The following TPRA1 variants were observed in gnomAD, a reference collection of about 807,000 sequenced individuals.
TPRA1 encodes transmembrane protein adipocyte associated 1.
In TPRA1, 28 loss-of-function variants were observed where a neutral mutation model predicts 40.1. The observed-to-expected ratio is 0.70, with a 90% CI of 0.52 to 0.96. TPRA1 has a LOEUF of 0.96. Ranked by LOEUF, TPRA1 falls within the 40% of genes least tolerant of loss-of-function variation. The pLI is 0.00. For missense variants in TPRA1, 441 were observed against 482.6 expected (o/e 0.91, Z 0.81); for synonymous variants, 219 against 209.7 (o/e 1.04, Z -0.38).
At chr3:127,592,389 T>G (rs532497692), upstream of TPRA1, among the ~76,000 whole-genome samples, 155 of 142,994 alleles carry the variant, frequency 1.1e-3, 2 homozygotes, top group African/African-American at 3.9e-3. Flanking sequence ...TTTTTTTTTT[T>G]TTTTTTTGAG....
chr3:127,580,109 C>G lies in TPRA1; in HGVS notation c.38G>C (p.Ser13Thr). The G allele has an allele frequency of 2.5e-6, 4 of 1,613,650 alleles. No homozygotes were observed. Among genetic ancestry groups the G allele is most frequent in the Non-Finnish European group, 3.4e-6 (4 of 1,179,984 alleles). The change falls in exon 2 of 11, where the codon AGC becomes ACC. Residue 13 changes from serine to threonine, a missense_variant. Ser to Thr is a moderately conservative substitution (Grantham distance 58, BLOSUM62 1). Transcript: ENST00000355552. ...TLEEVTWANG[S>T]TALPPPLAPN... is the part of the protein sequence containing the mutation. ...TGCCAGGGGTGGGGGTAGCGCTGTG[C>G]TCCCATTGGCCCAAGTCACCTCCTC... is the stretch of plus-strand genomic sequence containing the variant.
chr3:127,591,833 CAG>C (rs2074175502), upstream of TPRA1: 1 of 152,242 alleles, frequency 6.6e-6, no homozygotes, highest in Non-Finnish European at 1.5e-5. Flanking sequence ...GAGGCTGACT[CAG>C]AGCCTCGTGC....
upstream of TPRA1, among the ~76,000 whole-genome samples, chr3:127,592,418 G>A (rs1378271825): frequency 1.6e-5 from 2 of 121,744 alleles, no homozygotes; most frequent in African/African-American, 3.2e-5. Context: ...TCGCTCTGTC[G>A]CCCAGGTCGG....
intron 1 of TPRA1, among the ~76,000 whole-genome samples, chr3:127,596,601 C>T (rs2074244310): frequency 6.6e-6 from 1 of 152,178 alleles, no homozygotes; most frequent in Non-Finnish European, 1.5e-5. Context: ...CAGCTTCAGT[C>T]CAAACACGCC....
rs1280313403 is a variant in TPRA1, at chr3:127,572,893, C to T, written c.*628G>A. On this transcript the variant is annotated 3_prime_UTR_variant, in exon 11 of 11. Coordinates refer to ENST00000355552, the MANE Select transcript of TPRA1 (RefSeq NM_001136053.4). ...CAGATGGGCCCAGGGGCAGGGGCAGCGGCAGCTGGGATCCTGTTTCTCTTC... is the reference window on the plus strand; with the variant it reads ...CAGATGGGCCCAGGGGCAGGGGCAGTGGCAGCTGGGATCCTGTTTCTCTTC... Among the ~76,000 whole-genome samples the T allele has an allele frequency of 5.9e-5, 9 of 152,144 alleles. No individual in the cohort carries two copies. Among genetic ancestry groups the T allele is most frequent in the Admixed American group, 2.6e-4 (4 of 15,278 alleles).
intron 1 of TPRA1, among the ~76,000 whole-genome samples, chr3:127,582,579 GTAATGCCAGCTACTTGGA>G (rs2073865842): frequency 6.6e-6 from 1 of 151,870 alleles, no homozygotes; most frequent in Non-Finnish European, 1.5e-5. Context: ...GCGTCCAGCT[GTAATGCCAGCTACTTGGA>G]AGGCTGAGGC....
rs1003568917 is a variant in TPRA1, at chr3:127,571,713, G to A, written c.*1808C>T. 2.0e-5 allele frequency: 3 copies of A among 152,184 alleles called. No individual in the cohort carries two copies. Among genetic ancestry groups the A allele is most frequent in the African/African-American group, 7.2e-5 (3 of 41,432 alleles). 9.4% of individuals were successfully genotyped at this position (152,184 alleles called of 1,614,324 possible). ...TATGGAGACCCTGGGTGCTTCAGGA[G>A]GGGGACAGAGGAATTCAGTGCCACA... On this transcript the variant is annotated 3_prime_UTR_variant, in exon 11 of 11. Coordinates refer to ENST00000355552, the MANE Select transcript of TPRA1 (RefSeq NM_001136053.4).
At chr3:127,585,631 CAG>C (rs1309778554) in intron 1 of TPRA1, among the ~76,000 whole-genome samples, 1 of 152,214 alleles carries the variant, frequency 6.6e-6, no homozygotes, top group Non-Finnish European at 1.5e-5. Context: ...AGATCAAACA[CAG>C]GGAATGAGAG....
chr3:127,591,117 C>T (rs2074159645), upstream of TPRA1: 1 of 152,162 alleles, frequency 6.6e-6, no homozygotes. Flanking sequence ...GCGGAGCCTC[C>T]GGGGACCGCC....
chr3:127,591,522 T>C (rs1196021502), upstream of TPRA1, among the ~76,000 whole-genome samples: 2 of 152,146 alleles, frequency 1.3e-5, no homozygotes, highest in African/African-American at 4.8e-5. Context: ...TTCACCATAC[T>C]CAAGCCATGC....
In TPRA1 at chr3:127,576,470, G is replaced by A. The variant is rs774607574; in HGVS notation, c.498+147C>T. 98 of 799,484 alleles carry A rather than the reference G, an allele frequency of 1.2e-4. No individual in the cohort carries two copies. Among genetic ancestry groups the A allele is most frequent in the African/African-American group, 3.1e-4 (18 of 57,494 alleles). The allele number at this position is 799,484 out of a possible 1,614,324, so 49.5% of individuals were successfully genotyped here. ...TCCAGGGGACCCCAGAATGTGCCTC[G>A]GTAACAAGCACCCCATGTGATTTCT... On this transcript the variant is annotated intron_variant, in intron 6 of 10. Coordinates refer to ENST00000355552, the MANE Select transcript of TPRA1 (RefSeq NM_001136053.4). The surrounding 1 kb of genome is among the most constrained non-coding windows in gnomAD (Gnocchi z 4.6).
chr3:127,573,808 G>A lies in TPRA1; in HGVS notation c.855-20C>T, dbSNP rs776540489. 13 of 1,537,034 alleles carry A rather than the reference G, an allele frequency of 8.5e-6. No homozygotes were observed. The South Asian group carries it at 1.5e-4, about 18-fold the overall frequency. On this transcript the variant is annotated intron_variant, in intron 10 of 10. Transcript: ENST00000355552. ...TCCGAGCTGATAAAAGGAAAAGAGGGGCATGGAAGCCTCACTGAGTGATTC... is the reference window on the plus strand; with the variant it reads ...TCCGAGCTGATAAAAGGAAAAGAGGAGCATGGAAGCCTCACTGAGTGATTC...
At chr3:127,591,518 A>G (rs2074169655), upstream of TPRA1, among the ~76,000 whole-genome samples, 2 of 152,034 alleles carry the variant, frequency 1.3e-5, no homozygotes, top group Non-Finnish European at 2.9e-5. Context: ...TGCATTCACC[A>G]TACTCAAGCC....
chr3:127,590,299 T>A (rs2074131027), intron 1 of TPRA1, 111 bp downstream of exon 1: 1 of 152,192 alleles, frequency 6.6e-6, no homozygotes, highest in African/African-American at 2.4e-5. Context: ...CGAGCGGAAA[T>A]GGGCCGCTCG....
chr3:127,575,841 G>A (rs2073598286), intron 7 of TPRA1, 32 bp from the exon 8 acceptor site: 1 of 1,612,986 alleles, frequency 6.2e-7, no homozygotes, highest in Non-Finnish European at 8.5e-7. Flanking sequence ...AGAAGGTGCT[G>A]GGGGCGCCAG....
At chr3:127,573,847 C>T in intron 10 of TPRA1, 59 bp from the exon 11 acceptor site, 1 of 1,508,222 alleles carries the variant, frequency 6.6e-7, no homozygotes. Context: ...AAGAGCCTTC[C>T]TCTCCAGGCT....
intron 1 of TPRA1, among the ~76,000 whole-genome samples, chr3:127,589,690 T>G (rs1301598572): frequency 6.6e-6 from 1 of 151,532 alleles, no homozygotes; most frequent in Non-Finnish European, 1.5e-5. Context: ...TCCTGACACC[T>G]CCTCTGAGAA....
At chr3:127,575,370 C>T (rs1205061997) in intron 9 of TPRA1, 33 bp downstream of exon 9, 2 of 1,571,520 alleles carry the variant, frequency 1.3e-6, no homozygotes, top group Admixed American at 3.8e-5. Flanking sequence ...TCCCATGCCC[C>T]CACGAGGCAG....
chr3:127,591,378 CA>C (rs917987670), upstream of TPRA1, among the ~76,000 whole-genome samples: 5 of 152,204 alleles, frequency 3.3e-5, no homozygotes, highest in Admixed American at 3.3e-4. Flanking sequence ...ATAACTTGAC[CA>C]AAGCCGCGCA....
Sources: gnomAD v4.1 joint callset for allele counts (sites outside exome capture counted in the v4.1 genomes callset) on GRCh38, gnomAD v4.1.1 for gene constraint, Gnocchi (gnomAD v3.1) non-coding constraint, MANE v1.5 for transcripts, NCBI Gene and HGNC (gene_info 2026-07-23, HGNC 2026-07-21) for gene names.